The following CDH13 variants were observed in gnomAD, a reference collection of about 807,000 sequenced individuals.
The protein encoded by CDH13 is cadherin-13.
CDH13 carries 24 observed loss-of-function variants against 63.8 expected under a neutral mutation model. The ratio of observed to expected loss-of-function variants is 0.38; its 90% confidence interval spans 0.27 to 0.53. The LOEUF is 0.53. CDH13 is among the 20% of genes least tolerant of loss of function. CDH13 has a pLI of 0.85. For missense variants in CDH13, 1,049 were observed against 903.1 expected (o/e 1.16, Z -2.07); for synonymous variants, 503 against 355.3 (o/e 1.42, Z -4.67).
At chr16:83,321,382 A>C (rs952743690) in intron 5 of CDH13, among the ~76,000 whole-genome samples, 1 of 152,132 alleles carries the variant, frequency 6.6e-6, no homozygotes, top group Admixed American at 6.5e-5. Flanking sequence ...CTCACCCTTC[A>C]TTGGCATCGG....
At chr16:83,419,186 A>G (rs77272417) in intron 6 of CDH13, among the ~76,000 whole-genome samples, 3,597 of 152,198 alleles carry the variant, frequency 0.024, 65 homozygotes, top group Middle Eastern at 0.061. Context: ...CTCCATCCCT[A>G]TCGTGCCCCC....
chr16:83,282,616 C>T (rs2089207957), intron 5 of CDH13, among the ~76,000 whole-genome samples: 1 of 152,178 alleles, frequency 6.6e-6, no homozygotes, highest in Admixed American at 6.5e-5. Flanking sequence ...ACATGCCAGA[C>T]AGTTACTGTC....
chr16:82,731,917 T>A (rs2151037104), intron 1 of CDH13, among the ~76,000 whole-genome samples: 1 of 152,330 alleles, frequency 6.6e-6, no homozygotes, highest in East Asian at 1.9e-4. Flanking sequence ...ATGGGGCATG[T>A]TCTCTTTAGC....
At chr16:83,756,943 T>C (rs1913559865) in intron 11 of CDH13, among the ~76,000 whole-genome samples, 1 of 152,194 alleles carries the variant, frequency 6.6e-6, no homozygotes, top group Non-Finnish European at 1.5e-5. Flanking sequence ...TCAACTAACA[T>C]ATATAGAACT....
intron 5 of CDH13, among the ~76,000 whole-genome samples, chr16:83,308,713 G>T (rs1178983493): frequency 6.6e-6 from 1 of 152,178 alleles, no homozygotes; most frequent in Middle Eastern, 3.2e-3. Context: ...CTTCTGGAAG[G>T]CTCCCCTCAC....
intron 7 of CDH13, among the ~76,000 whole-genome samples, chr16:83,549,537 C>G (rs541169316): frequency 9.9e-5 from 15 of 151,962 alleles, no homozygotes; most frequent in Non-Finnish European, 1.6e-4. Context: ...CTTCTGGGGT[C>G]CCCAGTCTGG....
chr16:82,802,752 T>G (rs2036929310), intron 1 of CDH13, among the ~76,000 whole-genome samples: 2 of 126,782 alleles, frequency 1.6e-5, no homozygotes, highest in Admixed American at 1.6e-4. Context: ...ACAGCAACCC[T>G]TACCAGAATG....
chr16:82,861,842 C>T (rs1218312774), intron 2 of CDH13, among the ~76,000 whole-genome samples: 4 of 152,200 alleles, frequency 2.6e-5, no homozygotes, highest in Non-Finnish European at 4.4e-5. Context: ...TTTCTTCTAA[C>T]GTAACCAGTG....
intron 8 of CDH13, among the ~76,000 whole-genome samples, chr16:83,629,827 T>C (rs1055506976): frequency 1.8e-4 from 28 of 152,306 alleles, no homozygotes; most frequent in African/African-American, 5.3e-4. Context: ...ATGTAGAAGA[T>C]TGACAAGCTC....
intron 1 of CDH13, among the ~76,000 whole-genome samples, chr16:82,737,600 TGTG>T (rs2033736616): frequency 1.3e-5 from 2 of 152,196 alleles, no homozygotes; most frequent in Admixed American, 1.3e-4. Flanking sequence ...AGGTTTATAG[TGTG>T]GTGGGGATTT....
intron 2 of CDH13, among the ~76,000 whole-genome samples, chr16:82,893,400 C>T (rs1472025837): frequency 6.6e-6 from 1 of 152,116 alleles, no homozygotes; most frequent in African/African-American, 2.4e-5. Context: ...ACTGAGTGTG[C>T]AAAGCAAACC....
At chr16:82,697,656 C>T (rs1170433747) in intron 1 of CDH13, among the ~76,000 whole-genome samples, 1 of 151,762 alleles carries the variant, frequency 6.6e-6, no homozygotes, top group Admixed American at 6.6e-5. Flanking sequence ...TCTCAAACTC[C>T]TGACCTCATG....
intron 1 of CDH13, among the ~76,000 whole-genome samples, chr16:82,671,242 C>G (rs1913207881): frequency 6.6e-6 from 1 of 152,076 alleles, no homozygotes. Context: ...ATGAAGAAGG[C>G]AACAAAAGGG....
At chr16:82,759,746 TA>T (rs750527014) in intron 1 of CDH13, among the ~76,000 whole-genome samples, 5 of 152,100 alleles carry the variant, frequency 3.3e-5, no homozygotes, top group Non-Finnish European at 7.4e-5. Flanking sequence ...GAATGGTCTA[TA>T]GAATTCAAAT....
At chr16:82,750,530 A>C (rs2034370452) in intron 1 of CDH13, among the ~76,000 whole-genome samples, 1 of 152,198 alleles carries the variant, frequency 6.6e-6, no homozygotes, top group Non-Finnish European at 1.5e-5. Flanking sequence ...CAGACTAATG[A>C]TCTGACATAG....
chr16:83,492,737 A>G lies in CDH13; in HGVS notation c.960+6082A>G, dbSNP rs147306189. 3.1e-3 allele frequency among the ~76,000 whole-genome samples: 468 copies of G among 152,254 alleles called. 9 individuals carry two copies. Among genetic ancestry groups the G allele is most frequent in the African/African-American group, 0.011 (443 of 41,562 alleles). On this transcript the variant is annotated intron_variant, in intron 7 of 13. Transcript: ENST00000567109. ...GAGTGCAGGCCTCCTGCTGATGGCAATGGGGATTGGTGGGAGGGTTAGAGA... is the reference window on the plus strand; with the variant it reads ...GAGTGCAGGCCTCCTGCTGATGGCAGTGGGGATTGGTGGGAGGGTTAGAGA...
chr16:83,071,854 C>T (rs2032462833), intron 3 of CDH13, among the ~76,000 whole-genome samples: 1 of 151,880 alleles, frequency 6.6e-6, no homozygotes, highest in African/African-American at 2.4e-5. Context: ...TGTAAATATC[C>T]CATTTATATT....
chr16:83,167,682 A>C (rs983454088), intron 4 of CDH13, among the ~76,000 whole-genome samples: 17 of 147,214 alleles, frequency 1.2e-4, no homozygotes, highest in Non-Finnish European at 2.4e-4. Context: ...AAATCTCATT[A>C]TTTCATTGCT....
intron 3 of CDH13, among the ~76,000 whole-genome samples, chr16:83,050,041 A>G (rs927920570): frequency 6.6e-6 from 1 of 152,210 alleles, no homozygotes; most frequent in Non-Finnish European, 1.5e-5. Flanking sequence ...TACATAATTT[A>G]TGATGATTGA....
Sources: gnomAD v4.1 joint callset for allele counts (sites outside exome capture counted in the v4.1 genomes callset) on GRCh38, gnomAD v4.1.1 for gene constraint, MANE v1.5 for transcripts, NCBI Gene and HGNC (gene_info 2026-07-23, HGNC 2026-07-21) for gene names.